Variants in ZC3H18 observed in about 807,000 individuals in gnomAD.
ZC3H18 encodes zinc finger CCCH domain-containing protein 18.
ZC3H18 carries 8 observed loss-of-function variants against 106.1 expected under a neutral mutation model. The ratio of observed to expected loss-of-function variants is 0.08; its 90% confidence interval spans 0.04 to 0.14. The LOEUF is 0.14. Ranked by LOEUF, ZC3H18 falls within the 10% of genes least tolerant of loss-of-function variation. The pLI is 1.00. For synonymous variants in ZC3H18, 635 were observed against 522.1 expected, an observed-to-expected ratio of 1.22 and a Z score of -2.95; for missense variants, 1,318 against 1,278.4, an observed-to-expected ratio of 1.03 and a Z score of -0.47.
In ZC3H18 at chr16:88,631,703, C is replaced by G; in HGVS notation, c.*404C>G. The G allele has an allele frequency of 4.4e-6, 2 of 451,226 alleles. No individual in the cohort carries two copies. Among genetic ancestry groups the G allele is most frequent in the South Asian group, 1.6e-5 (1 of 62,652 alleles). The allele number at this position is 451,226 out of a possible 1,614,324, so 28.0% of individuals were successfully genotyped here. ...TCCTGAGCTGAGAAACGGAACCTCGCGAACCACTGGTGGCACATCCTTCTC... is the reference window on the plus strand; with the variant it reads ...TCCTGAGCTGAGAAACGGAACCTCGGGAACCACTGGTGGCACATCCTTCTC... On this transcript the variant is annotated 3_prime_UTR_variant, in exon 18 of 18. Coordinates refer to ENST00000301011, the MANE Select transcript of ZC3H18 (RefSeq NM_144604.4).
Position 88,619,465 on chromosome 16 carries a change from G to A in ZC3H18, c.1476-2732G>A, listed in dbSNP as rs140368586. On this transcript the variant is annotated intron_variant, in intron 8 of 17. Transcript: ENST00000301011. Reference sequence around the variant, plus strand: ...GCGCGCTGTGCAGTGACGAGATGGTGCAGGCCCGTCCACAGCCCTGGCCCA... The same window carrying A: ...GCGCGCTGTGCAGTGACGAGATGGTACAGGCCCGTCCACAGCCCTGGCCCA... Among the ~76,000 whole-genome samples, 1,145 of 152,196 alleles carry A rather than the reference G, an allele frequency of 7.5e-3. 18 individuals are homozygous for A. Among genetic ancestry groups the A allele is most frequent in the African/African-American group, 0.026 (1,060 of 41,514 alleles).
chr16:88,598,055 T>G, intron 3 of ZC3H18, 123 bp from the exon 4 acceptor site: 243 of 641,132 alleles, frequency 3.8e-4, no homozygotes, highest in East Asian at 8.8e-4. Flanking sequence ...CCCACTACTG[T>G]GTGGCTCGCC....
intron 12 of ZC3H18, 51 bp downstream of exon 12, chr16:88,624,796 A>G (rs780826324): frequency 6.4e-7 from 1 of 1,553,546 alleles, no homozygotes; most frequent in Non-Finnish European, 8.7e-7. Context: ...TCTTGGTGCC[A>G]CTGTGATGCT....
chr16:88,616,917 C>T (rs1477944843), intron 8 of ZC3H18, among the ~76,000 whole-genome samples: 8 of 152,200 alleles, frequency 5.3e-5, no homozygotes, highest in African/African-American at 1.2e-4. Flanking sequence ...TGGTCTGAAG[C>T]GCGGCCCAGG....
chr16:88,596,097 C>T (rs1327848321), intron 3 of ZC3H18, among the ~76,000 whole-genome samples: 1 of 152,108 alleles, frequency 6.6e-6, no homozygotes, highest in African/African-American at 2.4e-5. Flanking sequence ...AGGTGGCTCC[C>T]GAGAGCTGAA....
chr16:88,614,477 G>T (rs568332251), intron 8 of ZC3H18, among the ~76,000 whole-genome samples: 7 of 152,342 alleles, frequency 4.6e-5, no homozygotes, highest in South Asian at 2.1e-4. Context: ...TTGTTTCAGG[G>T]TCACTCATGG....
At chr16:88,574,762 C>T (rs1205006964) in intron 1 of ZC3H18, among the ~76,000 whole-genome samples, 4 of 149,662 alleles carry the variant, frequency 2.7e-5, no homozygotes, top group Non-Finnish European at 6.0e-5. Context: ...GATCCGCCCA[C>T]CTCAGCCTCC....
At chr16:88,597,566 G>A (rs1483959353) in intron 3 of ZC3H18, among the ~76,000 whole-genome samples, 1 of 152,154 alleles carries the variant, frequency 6.6e-6, no homozygotes, top group Non-Finnish European at 1.5e-5. Flanking sequence ...CTTGAAAGTC[G>A]AGGTCTCCTT....
intron 7 of ZC3H18, 162 bp downstream of exon 7, chr16:88,609,213 G>A: frequency 2.1e-6 from 1 of 474,442 alleles, no homozygotes. Context: ...AACGAATTCA[G>A]AGGCAGCGAT....
At chr16:88,601,986 A>C (rs1433435977) in intron 6 of ZC3H18, among the ~76,000 whole-genome samples, 2 of 152,242 alleles carry the variant, frequency 1.3e-5, no homozygotes, top group Non-Finnish European at 2.9e-5. Flanking sequence ...TGGGTCCACC[A>C]GGTAGGTTGC....
rs979834807 is a variant in ZC3H18 at position 88,631,483 on chromosome 16, C to T, written c.*184C>T. 8 of 799,832 alleles carry T rather than the reference C, an allele frequency of 1.0e-5. No homozygotes were observed. In the Admixed American group the frequency reaches 1.8e-4, roughly 18 times the overall value. 49.5% of individuals were successfully genotyped at this position (799,832 alleles called of 1,614,324 possible). On this transcript the variant is annotated 3_prime_UTR_variant, in exon 18 of 18. Coordinates refer to ENST00000301011, the MANE Select transcript of ZC3H18 (RefSeq NM_144604.4). The stretch of plus-strand genomic sequence containing the variant: ...AACGACGCTGAATCCCAGCCTCCCT[C>T]CCCAGAGCAGAAGTCCCGCAGGACA...
At chr16:88,605,827 G>A (rs1904984983) in intron 6 of ZC3H18, among the ~76,000 whole-genome samples, 1 of 152,244 alleles carries the variant, frequency 6.6e-6, no homozygotes, top group Non-Finnish European at 1.5e-5. Context: ...CCCTGGGCAA[G>A]GCTGTGGGCA....
At chr16:88,625,074 G>C (rs1450858930) in intron 12 of ZC3H18, 128 bp from the exon 13 acceptor site, 1 of 1,120,428 alleles carries the variant, frequency 8.9e-7, no homozygotes, top group Non-Finnish European at 1.3e-6. Flanking sequence ...GACAGGCCCA[G>C]GCCCTGTTCC....
chr16:88,617,905 A>G (rs556841140), intron 8 of ZC3H18, among the ~76,000 whole-genome samples: 18 of 152,386 alleles, frequency 1.2e-4, no homozygotes, highest in Non-Finnish European at 2.4e-4. Context: ...AGGAGTCTCA[A>G]GATCTCTGCT....
chr16:88,593,835 C>T (rs1299153464), intron 3 of ZC3H18, among the ~76,000 whole-genome samples: 1 of 152,210 alleles, frequency 6.6e-6, no homozygotes, highest in Non-Finnish European at 1.5e-5. Context: ...TTTGTGTGCT[C>T]ACCAGCTTCT....
intron 5 of ZC3H18, among the ~76,000 whole-genome samples, chr16:88,599,141 G>T (rs1006444262): frequency 6.6e-6 from 1 of 152,242 alleles, no homozygotes; most frequent in African/African-American, 2.4e-5. Flanking sequence ...ACCCCAGCTG[G>T]CACTGCCCAG....
intron 8 of ZC3H18, among the ~76,000 whole-genome samples, chr16:88,615,687 C>T (rs1267650928): frequency 6.6e-6 from 1 of 152,186 alleles, no homozygotes; most frequent in Admixed American, 6.5e-5. Context: ...GTGATATCCA[C>T]GTGGAAGGTC....
rs571181028 is a variant in ZC3H18, at chr16:88,601,868, G to A, written c.1088+1920G>A. ...GTCAGGGTGCATGTGTCACAGTGGC[G>A]AGGTGCCCTGGCTGTTTCTGATAGA... On this transcript the variant is annotated intron_variant, in intron 6 of 17. Transcript: ENST00000301011. Among the ~76,000 whole-genome samples the A allele has an allele frequency of 1.1e-3, 166 of 152,164 alleles. 1 individual carries two copies. Among genetic ancestry groups the A allele is most frequent in the Non-Finnish European group, 1.8e-3 (123 of 67,988 alleles).
intron 8 of ZC3H18, among the ~76,000 whole-genome samples, chr16:88,617,840 C>G (rs1905719439): frequency 6.6e-6 from 1 of 152,270 alleles, no homozygotes; most frequent in Non-Finnish European, 1.5e-5. Context: ...TGGGCCACCG[C>G]TTCATGCTCA....
Sources: gnomAD v4.1 joint callset for allele counts (sites outside exome capture counted in the v4.1 genomes callset) on GRCh38, gnomAD v4.1.1 for gene constraint, MANE v1.5 for transcripts, NCBI Gene and HGNC (gene_info 2026-07-23, HGNC 2026-07-21) for gene names.